Variants in KCNIP4 observed in about 807,000 individuals in gnomAD.
KCNIP4 encodes potassium voltage-gated channel interacting protein 4, also known as Kv channel-interacting protein 4.
A neutral mutation model predicts 34.0 loss-of-function variants in KCNIP4; 12 were observed. That is an observed-to-expected ratio of 0.35 (90% confidence interval 0.23 to 0.57). The LOEUF is 0.57. Among genes scored for constraint, KCNIP4 ranks in the 20% least tolerant of loss-of-function variants. KCNIP4 has a pLI of 0.83. For missense variants in KCNIP4, 238 were observed against 311.7 expected (o/e 0.76, Z 1.78); for synonymous variants, 124 against 102.2 (o/e 1.21, Z -1.29).
intron 1 of KCNIP4, among the ~76,000 whole-genome samples, chr4:20,966,499 T>C (rs1734364772): frequency 6.6e-6 from 1 of 152,142 alleles, no homozygotes; most frequent in Non-Finnish European, 1.5e-5. Flanking sequence ...AAGACTAGCA[T>C]AGAAAAAACT....
chr4:21,682,899 T>C (rs1200694555), intron 1 of KCNIP4, among the ~76,000 whole-genome samples: 3 of 152,116 alleles, frequency 2.0e-5, no homozygotes, highest in African/African-American at 7.2e-5. Flanking sequence ...ACCTCAAAGA[T>C]CATCATAAAA....
At chr4:20,791,798 C>A (rs1712787582) in intron 3 of KCNIP4, among the ~76,000 whole-genome samples, 1 of 152,252 alleles carries the variant, frequency 6.6e-6, no homozygotes, top group African/African-American at 2.4e-5. Flanking sequence ...ACATCTAAAT[C>A]TTTGAGTAAA....
chr4:21,856,061 C>G (rs906401782), intron 1 of KCNIP4, among the ~76,000 whole-genome samples: 3 of 152,224 alleles, frequency 2.0e-5, no homozygotes, highest in African/African-American at 7.2e-5. Context: ...GTAGCTGCCT[C>G]ATAAGGAAAG....
At chr4:20,859,333 G>A (rs969211090) in intron 2 of KCNIP4, among the ~76,000 whole-genome samples, 1 of 152,166 alleles carries the variant, frequency 6.6e-6, no homozygotes, top group Non-Finnish European at 1.5e-5. Flanking sequence ...GTTATCTCCA[G>A]GCCATGCAGA....
chr4:21,271,288 G>T (rs571330124), intron 1 of KCNIP4, among the ~76,000 whole-genome samples: 29 of 152,276 alleles, frequency 1.9e-4, no homozygotes, highest in African/African-American at 7.0e-4. Flanking sequence ...ACAGGTTATG[G>T]TCAGAGACTT....
chr4:21,812,803 C>T (rs535375525), intron 1 of KCNIP4, among the ~76,000 whole-genome samples: 2 of 152,238 alleles, frequency 1.3e-5, no homozygotes, highest in East Asian at 3.9e-4. Flanking sequence ...TTCAGTAAGG[C>T]TATTGGTCAA....
intron 1 of KCNIP4, among the ~76,000 whole-genome samples, chr4:20,978,678 G>A (rs751932422): frequency 3.3e-5 from 5 of 152,090 alleles, no homozygotes; most frequent in Non-Finnish European, 5.9e-5. Flanking sequence ...CCTCCACCAT[G>A]GAGTCATCTC....
At chr4:21,474,010 G>A (rs561384659) in intron 1 of KCNIP4, among the ~76,000 whole-genome samples, 2 of 152,188 alleles carry the variant, frequency 1.3e-5, no homozygotes, top group Non-Finnish European at 2.9e-5. Flanking sequence ...CACCACTCCC[G>A]GCCCAGGCAA....
chr4:21,270,380 C>A (rs1762068820), intron 1 of KCNIP4, among the ~76,000 whole-genome samples: 1 of 142,742 alleles, frequency 7.0e-6, no homozygotes, highest in African/African-American at 2.6e-5. Context: ...GACATACACT[C>A]AGACTCGAGG....
intron 3 of KCNIP4, among the ~76,000 whole-genome samples, chr4:20,772,195 T>C (rs568705325): frequency 6.6e-6 from 1 of 152,172 alleles, no homozygotes; most frequent in African/African-American, 2.4e-5. Flanking sequence ...TTCCTAAGCT[T>C]GAAAGGTGAG....
chr4:20,965,447 C>T (rs1734249279), intron 1 of KCNIP4, among the ~76,000 whole-genome samples: 1 of 152,184 alleles, frequency 6.6e-6, no homozygotes, highest in African/African-American at 2.4e-5. Context: ...GGTACAAGGT[C>T]TCAGGCCAGG....
At chr4:21,414,812 A>G (rs551227698) in intron 1 of KCNIP4, among the ~76,000 whole-genome samples, 13 of 152,164 alleles carry the variant, frequency 8.5e-5, no homozygotes, top group Admixed American at 5.9e-4. Flanking sequence ...TCTTTTTTGA[A>G]TATTTAATTT....
intron 1 of KCNIP4, among the ~76,000 whole-genome samples, chr4:20,981,589 T>C (rs920738330): frequency 1.3e-5 from 2 of 152,326 alleles, no homozygotes; most frequent in East Asian, 1.9e-4. Context: ...ACATTTGCCT[T>C]ATGACAAGTC....
intron 3 of KCNIP4, among the ~76,000 whole-genome samples, chr4:20,847,549 T>C (rs1578763960): frequency 7.9e-6 from 1 of 126,776 alleles, no homozygotes; most frequent in East Asian, 2.0e-4. Context: ...CTGCTCACTT[T>C]TGAGACTCAG....
chr4:20,734,023 C>T (rs1459636628), intron 6 of KCNIP4, among the ~76,000 whole-genome samples: 2 of 152,226 alleles, frequency 1.3e-5, no homozygotes, highest in East Asian at 3.9e-4. Flanking sequence ...CATAGGCACA[C>T]TGAGAATGCC....
At chr4:20,767,556 C>T (rs1755523401) in intron 3 of KCNIP4, among the ~76,000 whole-genome samples, 1 of 152,148 alleles carries the variant, frequency 6.6e-6, no homozygotes, top group Admixed American at 6.5e-5. Flanking sequence ...TATAAGGAAA[C>T]CTTTCAGCAT....
intron 2 of KCNIP4, among the ~76,000 whole-genome samples, chr4:20,873,787 A>G (rs1723726070): frequency 6.6e-6 from 1 of 152,196 alleles, no homozygotes; most frequent in South Asian, 2.1e-4. Context: ...GAGTGAATGC[A>G]GCATAGTGCC....
At chr4:20,764,122 C>T (rs989870327) in intron 3 of KCNIP4, among the ~76,000 whole-genome samples, 5 of 151,946 alleles carry the variant, frequency 3.3e-5, no homozygotes, top group African/African-American at 1.2e-4. Flanking sequence ...GTTCTGTATT[C>T]TATTTTCTAA....
chr4:20,920,966 C>T (rs1193203552), intron 1 of KCNIP4, among the ~76,000 whole-genome samples: 1 of 151,864 alleles, frequency 6.6e-6, no homozygotes, highest in African/African-American at 2.4e-5. Context: ...CAAGCCTGGC[C>T]ACAGAGTGAG....
Sources: gnomAD v4.1 joint callset for allele counts (sites outside exome capture counted in the v4.1 genomes callset) on GRCh38, gnomAD v4.1.1 for gene constraint, MANE v1.5 for transcripts, NCBI Gene and HGNC (gene_info 2026-07-23, HGNC 2026-07-21) for gene names.